Variants in PDZD2 observed in about 807,000 individuals in gnomAD.
PDZD2 encodes the protein PDZ domain containing 2, also known as PDZ domain-containing protein 2.
Under a neutral mutation model 220.7 loss-of-function variants are expected in PDZD2, and 90 were observed. The observed-to-expected ratio is 0.41, with a 90% CI of 0.34 to 0.49. The LOEUF (loss-of-function observed/expected upper bound fraction) is 0.49. PDZD2 is among the 20% of genes least tolerant of loss of function. The pLI, the probability that PDZD2 is intolerant of heterozygous loss-of-function variation, is 0.28. For synonymous variants in PDZD2, 1,375 were observed against 1,450.5 expected (o/e 0.95, Z 1.18); for missense variants, 3,174 against 3,608.5 (o/e 0.88, Z 3.08).
chr5:32,071,401 C>T lies in PDZD2; in HGVS notation c.2551C>T (p.Pro851Ser), dbSNP rs1009938880. ...SPGLGTPLKSPSLAKKDSLIS... is the reference protein window; with the variant it reads ...SPGLGTPLKSSSLAKKDSLIS... ...TCCAACAGGTACCCCCTTGAAGAGT[C>T]CCTCTCTTGCAAAAAAGGTGAGTCA... The change falls in exon 16 of 25, where the codon CCC (proline) becomes TCC (serine). Residue 851 changes from proline to serine, a missense_variant. Around this residue, in one of 4 missense-constraint regions of PDZD2, gnomAD observed 1,861 missense variants for 2,001.0 expected, o/e 0.93. Transcript: ENST00000438447. 6.2e-7 allele frequency: 1 copy of T among 1,609,988 alleles called. No individual in the cohort carries two copies. Among genetic ancestry groups the T allele is most frequent in the African/African-American group, 1.3e-5 (1 of 74,788 alleles).
In PDZD2 at chr5:32,055,397, A is replaced by G. The variant is rs140718298; in HGVS notation, c.1900+1514A>G. Among the ~76,000 whole-genome samples the G allele has an allele frequency of 9.2e-5, 14 of 152,010 alleles. 1 individual carries two copies. Among genetic ancestry groups the G allele is most frequent in the African/African-American group, 3.1e-4 (13 of 41,460 alleles). On this transcript the variant is annotated intron_variant, in intron 10 of 24. Transcript: ENST00000438447. The stretch of plus-strand genomic sequence containing the variant: ...TTTTTTTAAGAGATGGAGTCTCACT[A>G]TGTTACCCAGGCTGATCTCGAACTC...
intron 18 of PDZD2, among the ~76,000 whole-genome samples, chr5:32,077,119 G>C (rs1037221563): frequency 1.3e-5 from 2 of 152,108 alleles, no homozygotes; most frequent in African/African-American, 4.8e-5. Context: ...TATAGTCTTG[G>C]ATATCTCTAT....
At chr5:31,807,791 T>C (rs929112247) in intron 2 of PDZD2, among the ~76,000 whole-genome samples, 1 of 151,886 alleles carries the variant, frequency 6.6e-6, no homozygotes, top group East Asian at 1.9e-4. Context: ...GCCAGGATGC[T>C]GGGCTGGCAG....
At chr5:31,776,990 T>C (rs1038871837) in intron 1 of PDZD2, among the ~76,000 whole-genome samples, 1 of 152,090 alleles carries the variant, frequency 6.6e-6, no homozygotes, top group African/African-American at 2.4e-5. Context: ...GCCTCAGGCG[T>C]TCGCTCTGGC....
At chr5:31,842,037 G>A (rs572522800) in intron 2 of PDZD2, among the ~76,000 whole-genome samples, 1 of 151,988 alleles carries the variant, frequency 6.6e-6, no homozygotes, top group African/African-American at 2.4e-5. Flanking sequence ...TGCATGTGAA[G>A]GCTTATTACA....
intron 10 of PDZD2, 93 bp from the exon 11 acceptor site, chr5:32,057,562 A>T: frequency 1.4e-6 from 1 of 737,092 alleles, no homozygotes; most frequent in East Asian, 2.5e-5. Context: ...TAAATCAGGG[A>T]CCATATGGTA....
intron 2 of PDZD2, among the ~76,000 whole-genome samples, chr5:31,898,605 G>A (rs1225554851): frequency 6.6e-6 from 1 of 152,160 alleles, no homozygotes; most frequent in Non-Finnish European, 1.5e-5. Context: ...GCGTTGTTTG[G>A]TGTGAACTGT....
intron 2 of PDZD2, among the ~76,000 whole-genome samples, chr5:31,813,129 C>G (rs1755219589): frequency 6.6e-6 from 1 of 152,078 alleles, no homozygotes; most frequent in Non-Finnish European, 1.5e-5. Context: ...CGACATCAGA[C>G]CATTATAATT....
chr5:31,825,994 C>A lies in PDZD2; in HGVS notation c.476+26270C>A, dbSNP rs372553265. 4.5e-4 allele frequency among the ~76,000 whole-genome samples: 68 copies of A among 152,004 alleles called. 1 individual carries two copies. In the South Asian group the frequency reaches 0.014, roughly 31 times the overall value. On this transcript the variant is annotated intron_variant, in intron 2 of 24. Transcript: ENST00000438447. Reference sequence around the variant, plus strand: ...AAGACTGAGTTTACAGCTCCTGATGCGAACCAGTTCAAGTTCAGTTGCCCC... The same window carrying A: ...AAGACTGAGTTTACAGCTCCTGATGAGAACCAGTTCAAGTTCAGTTGCCCC...
intron 2 of PDZD2, among the ~76,000 whole-genome samples, chr5:31,949,838 AT>A (rs5867122): frequency 0.94 from 130,628 of 139,554 alleles, 61,089 homozygotes; most frequent in African/African-American, 0.97. Flanking sequence ...ACACCAGCTA[AT>A]TTTTTTTTTT....
intron 6 of PDZD2, among the ~76,000 whole-genome samples, chr5:32,011,473 T>C (rs1464752621): frequency 6.6e-6 from 1 of 152,188 alleles, no homozygotes; most frequent in Non-Finnish European, 1.5e-5. Context: ...CTCTCCAACC[T>C]GGGCTACAGA....
intron 3 of PDZD2, among the ~76,000 whole-genome samples, chr5:31,994,764 G>C (rs1056397397): frequency 1.4e-4 from 21 of 152,280 alleles, no homozygotes; most frequent in African/African-American, 4.6e-4. Context: ...TGGGATTACA[G>C]GCATGAGCCA....
At chr5:31,671,884 G>T (rs1025883251) in intron 1 of PDZD2, among the ~76,000 whole-genome samples, 2 of 152,174 alleles carry the variant, frequency 1.3e-5, no homozygotes, top group Non-Finnish European at 2.9e-5. Flanking sequence ...GAAGCTGCTG[G>T]TCTGCAGTCC....
intron 1 of PDZD2, among the ~76,000 whole-genome samples, chr5:31,708,216 G>A (rs940878820): frequency 6.6e-6 from 1 of 152,068 alleles, no homozygotes; most frequent in Non-Finnish European, 1.5e-5. Flanking sequence ...TTCCCTGCCC[G>A]CCTCTGAGCA....
intron 2 of PDZD2, among the ~76,000 whole-genome samples, chr5:31,930,401 A>G (rs1049434583): frequency 1.3e-5 from 2 of 151,556 alleles, no homozygotes; most frequent in African/African-American, 4.8e-5. Flanking sequence ...GGGTTTCACC[A>G]TGTTAGCCAG....
At chr5:31,788,903 C>T (rs1021478686) in intron 1 of PDZD2, among the ~76,000 whole-genome samples, 2 of 152,122 alleles carry the variant, frequency 1.3e-5, no homozygotes, top group Non-Finnish European at 2.9e-5. Context: ...CAAATCGAGG[C>T]AGGAACTCAG....
intron 2 of PDZD2, among the ~76,000 whole-genome samples, chr5:31,889,329 G>C (rs768033288): frequency 6.6e-6 from 1 of 152,160 alleles, no homozygotes; most frequent in Non-Finnish European, 1.5e-5. Context: ...TTCTGTTTCG[G>C]CCTTTTCTTT....
intron 2 of PDZD2, among the ~76,000 whole-genome samples, chr5:31,867,623 C>G (rs1486067929): frequency 3.9e-5 from 6 of 152,092 alleles, no homozygotes; most frequent in Non-Finnish European, 8.8e-5. Context: ...AATATTTTGG[C>G]TCCACTAAAT....
chr5:31,733,025 G>A (rs746753056), intron 1 of PDZD2, among the ~76,000 whole-genome samples: 5 of 152,178 alleles, frequency 3.3e-5, no homozygotes, highest in Non-Finnish European at 5.9e-5. Context: ...CACCGCGCCC[G>A]GCCGGGAGCA....
Sources: gnomAD v4.1 joint callset for allele counts (sites outside exome capture counted in the v4.1 genomes callset) on GRCh38, gnomAD v4.1.1 for gene constraint, gnomAD v4.1.1 regional missense constraint, MANE v1.5 for transcripts, NCBI Gene and HGNC (gene_info 2026-07-23, HGNC 2026-07-21) for gene names.